The following CDH23 variants were observed in gnomAD, a reference collection of about 807,000 sequenced individuals.
CDH23 encodes cadherin related 23, also known as cadherin-23.
CDH23 carries 189 observed loss-of-function variants against 317.1 expected under a neutral mutation model. The observed-to-expected ratio is 0.60, with a 90% CI of 0.53 to 0.67. The LOEUF (loss-of-function observed/expected upper bound fraction) is 0.67. Among genes scored for constraint, CDH23 ranks in the 30% least tolerant of loss-of-function variants. CDH23 has a pLI of 0.00. For synonymous variants in CDH23, 1,839 were observed against 1,876.8 expected (o/e 0.98, Z 0.52); for missense variants, 4,401 against 4,592.4 (o/e 0.96, Z 1.20).
intron 14 of CDH23, chr10:71,647,155 G>A (rs558265095): frequency 1.4e-4 from 129 of 921,008 alleles, no homozygotes; most frequent in South Asian, 1.2e-3. Flanking sequence ...ATTGGCTCAT[G>A]TAACTCAAAA....
At chr10:71,789,389 A>G (rs1241225249) in intron 45 of CDH23, among the ~76,000 whole-genome samples, 2 of 152,170 alleles carry the variant, frequency 1.3e-5, no homozygotes, top group Admixed American at 1.3e-4. Context: ...CCAGGAGTGC[A>G]GGGCATCCCA....
intron 14 of CDH23, among the ~76,000 whole-genome samples, chr10:71,659,277 A>G (rs1017316761): frequency 1.3e-5 from 2 of 152,216 alleles, no homozygotes; most frequent in Non-Finnish European, 2.9e-5. Context: ...CACCAGTGCC[A>G]TGAGCTAGGA....
chr10:71,500,802 TTCTTTTCTTTTCTTTTC>T (rs887026683), intron 3 of CDH23, among the ~76,000 whole-genome samples: 5 of 145,722 alleles, frequency 3.4e-5, no homozygotes, highest in African/African-American at 8.2e-5. Flanking sequence ...TTCTTTTCTT[TTCTTTTCTTTTCTTTTC>T]TCTTTCCTTT....
At chr10:71,530,134 T>C (rs879908883) in intron 6 of CDH23, among the ~76,000 whole-genome samples, 7 of 151,734 alleles carry the variant, frequency 4.6e-5, no homozygotes, top group Middle Eastern at 3.4e-3. Context: ...GCTGAATGGG[T>C]CCCATTAATA....
intron 16 of CDH23, among the ~76,000 whole-genome samples, chr10:71,678,492 G>A (rs2132671915): frequency 6.6e-6 from 1 of 152,316 alleles, no homozygotes; most frequent in Admixed American, 6.5e-5. Context: ...CCAAGGGATG[G>A]GACCCAGAGC....
intron 9 of CDH23, among the ~76,000 whole-genome samples, chr10:71,587,721 A>C (rs1859179635): frequency 6.6e-6 from 1 of 152,162 alleles, no homozygotes; most frequent in Non-Finnish European, 1.5e-5. Flanking sequence ...GGGGGCTTTG[A>C]ACCTGAGACG....
chr10:71,593,656 G>A (rs1410840596), intron 9 of CDH23, among the ~76,000 whole-genome samples: 3 of 152,180 alleles, frequency 2.0e-5, no homozygotes, highest in African/African-American at 7.2e-5. Flanking sequence ...TATTCATAGA[G>A]TGGGAAACCC....
At chr10:71,658,015 T>C (rs1284502128) in intron 14 of CDH23, among the ~76,000 whole-genome samples, 3 of 152,012 alleles carry the variant, frequency 2.0e-5, no homozygotes, top group African/African-American at 7.2e-5. Flanking sequence ...CTCGCTCCCA[T>C]TTGGGGGTGT....
chr10:71,399,490 A>T (rs1847684982), intron 1 of CDH23, among the ~76,000 whole-genome samples: 1 of 152,244 alleles, frequency 6.6e-6, no homozygotes, highest in Non-Finnish European at 1.5e-5. Flanking sequence ...CTAGGCTCGG[A>T]TTAATAGTCC....
chr10:71,406,823 G>A (rs1848118490), intron 1 of CDH23, among the ~76,000 whole-genome samples: 1 of 152,190 alleles, frequency 6.6e-6, no homozygotes, highest in African/African-American at 2.4e-5. Context: ...CCCTACCCTT[G>A]TGAAGTGTCT....
rs111033458 is a variant in CDH23 at position 71,705,055 on chromosome 10, G to A, written c.2878G>A (p.Glu960Lys). 3.7e-3 allele frequency: 5,936 copies of A among 1,612,632 alleles called. 19 individuals carry two copies. Among genetic ancestry groups the A allele is most frequent in the Non-Finnish European group, 4.5e-3 (5,362 of 1,179,836 alleles). Residue 960 changes from glutamate to lysine, a missense_variant, in exon 25 of 70, where the codon GAG becomes AAG. Around this residue, in one of 3 missense-constraint regions of CDH23, gnomAD observed 3,068 missense variants for 3,203.3 expected, o/e 0.96. Transcript: ENST00000224721. The stretch of plus-strand genomic sequence containing the variant: ...CGAGCTGGACCGCGAGCGCATCGCG[G>A]AGTACCAGCTGCGGGTGGTGGCCAG... ...TTELDRERIA[E>K]YQLRVVASDA...
chr10:71,400,249 T>C (rs1395261473), intron 1 of CDH23, among the ~76,000 whole-genome samples: 7 of 152,174 alleles, frequency 4.6e-5, no homozygotes, highest in Non-Finnish European at 1.0e-4. Context: ...TTTGAAACAC[T>C]GCTGGAGAGA....
At chr10:71,650,805 G>T (rs1024270369) in intron 14 of CDH23, among the ~76,000 whole-genome samples, 3 of 152,222 alleles carry the variant, frequency 2.0e-5, no homozygotes, top group African/African-American at 7.2e-5. Context: ...CAGATGAGAA[G>T]GCCAGGGAGT....
rs370223015 is a variant in CDH23, at chr10:71,595,794, A to G, written c.832+17802A>G. Among the ~76,000 whole-genome samples, 142 of 152,268 alleles carry G rather than the reference A, an allele frequency of 9.3e-4. 1 individual carries two copies. The highest frequency in any genetic ancestry group is 1.5e-3 in the African/African-American group (63 of 41,560). On this transcript the variant is annotated intron_variant, in intron 9 of 69. Transcript: ENST00000224721. ...TGATGTGGCCTGCCTGGGACTGCCC[A>G]GGTTATGCGTGGCACTGCCAGCAAT... is the stretch of plus-strand genomic sequence containing the variant.
rs780987516 is a variant in CDH23 at position 71,740,895 on chromosome 10, A to G, written c.4562A>G (p.Asn1521Ser). 21 of 1,613,880 alleles carry G rather than the reference A, an allele frequency of 1.3e-5. No individual in the cohort carries two copies. The highest frequency in any genetic ancestry group is 1.1e-4 in the African/African-American group (8 of 74,948). Residue 1521 changes from asparagine (N) to serine (S), a missense_variant, in exon 37 of 70, where the codon AAT becomes AGT. By Grantham distance (46) the Asn-to-Ser change is conservative. Around this residue, in one of 3 missense-constraint regions of CDH23, gnomAD observed 3,068 missense variants for 3,203.3 expected, o/e 0.96. Coordinates refer to ENST00000224721, the MANE Select transcript of CDH23 (RefSeq NM_022124.6). ...HILQVTILDI[N>S]DNPPVIESPF... Reference sequence around the variant, plus strand: ...CTGCAGGTGACCATCCTGGACATCAATGACAACCCTCCAGTCATCGAGAGC... The same window carrying G: ...CTGCAGGTGACCATCCTGGACATCAGTGACAACCCTCCAGTCATCGAGAGC...
chr10:71,797,273 G>T, intron 49 of CDH23, 53 bp downstream of exon 49: 1 of 1,247,960 alleles, frequency 8.0e-7, no homozygotes, highest in Admixed American at 1.9e-5. Flanking sequence ...AATCAGGGCA[G>T]GGGGCAGGTG....
intron 11 of CDH23, among the ~76,000 whole-genome samples, chr10:71,620,793 G>A (rs533026096): frequency 6.6e-6 from 1 of 152,334 alleles, no homozygotes; most frequent in African/African-American, 2.4e-5. Context: ...AGGTCACCTT[G>A]GCCATTTTCC....
At chr10:71,733,678 A>G in intron 32 of CDH23, among the ~76,000 whole-genome samples, 1 of 152,252 alleles carries the variant, frequency 6.6e-6, no homozygotes, top group Non-Finnish European at 1.5e-5. Flanking sequence ...GGAAGCTCAG[A>G]CATAAATGCT....
At chr10:71,728,898 G>A (rs1020255656) in intron 30 of CDH23, among the ~76,000 whole-genome samples, 1 of 152,074 alleles carries the variant, frequency 6.6e-6, no homozygotes, top group African/African-American at 2.4e-5. Flanking sequence ...GTCTCATTAT[G>A]TTGCCCAGGC....
Sources: gnomAD v4.1 joint callset for allele counts (sites outside exome capture counted in the v4.1 genomes callset) on GRCh38, gnomAD v4.1.1 for gene constraint, gnomAD v4.1.1 regional missense constraint, MANE v1.5 for transcripts, NCBI Gene and HGNC (gene_info 2026-07-23, HGNC 2026-07-21) for gene names.